MAGT1: variants seen among roughly 807,000 people sequenced by gnomAD.
The protein encoded by MAGT1 is magnesium transporter 1, also known as dolichyl-diphosphooligosaccharide--protein glycosyltransferase subunit MAGT1.
MAGT1 carries 4 observed loss-of-function variants against 28.4 expected under a neutral mutation model. The ratio of observed to expected loss-of-function variants is 0.14; its 90% CI spans 0.07 to 0.32. The LOEUF (loss-of-function observed/expected upper bound fraction) is 0.32. Among genes scored for constraint, MAGT1 ranks in the 10% least tolerant of loss-of-function variants. MAGT1 has a pLI of 1.00. For synonymous variants in MAGT1, 89 were observed against 89.7 expected (o/e 0.99, Z 0.04); for missense variants, 193 against 264.5 (o/e 0.73, Z 1.88).
intron 2 of MAGT1, among the ~76,000 whole-genome samples, chrX:77,871,247 C>T (rs1437000529): frequency 8.9e-6 from 1 of 112,512 alleles, no homozygotes; most frequent in Non-Finnish European, 1.9e-5. Flanking sequence ...TCTACAATAA[C>T]TTTCCATACC....
chrX:77,868,925 T>C (rs1557217101), intron 3 of MAGT1, among the ~76,000 whole-genome samples: 1 of 112,098 alleles, frequency 8.9e-6, no homozygotes, highest in African/African-American at 3.2e-5. Flanking sequence ...AAGATCTACT[T>C]TTCTACTAAG....
intron 3 of MAGT1, among the ~76,000 whole-genome samples, chrX:77,861,176 T>A (rs1216397044): frequency 2.8e-5 from 3 of 105,383 alleles, no homozygotes; most frequent in Non-Finnish European, 3.9e-5. Context: ...TGAAACTCTA[T>A]CTCAAAAAAA....
At chrX:77,843,752 G>A (rs2076942207) in intron 7 of MAGT1, among the ~76,000 whole-genome samples, 1 of 111,709 alleles carries the variant, frequency 9.0e-6, no homozygotes, top group Non-Finnish European at 1.9e-5. Flanking sequence ...TGTTACACAT[G>A]TATACATGTC....
At chrX:77,864,271 T>TGGGGGGGGGGGGGGGGGGGGG (rs1317041247) in intron 3 of MAGT1, among the ~76,000 whole-genome samples, 1 of 12,155 alleles carries the variant, frequency 8.2e-5, no homozygotes, top group Non-Finnish European at 1.4e-4. Context: ...GTGGGCGGGG[T>TGGGGGGGGGGGGGGGGGGGGG]GGGGGGGAGG....
intron 1 of MAGT1, among the ~76,000 whole-genome samples, chrX:77,892,569 G>C (rs2077086018): frequency 9.0e-6 from 1 of 110,819 alleles, no homozygotes; most frequent in Non-Finnish European, 1.9e-5. Flanking sequence ...GGCCAAGGTG[G>C]GTAGATCACT....
chrX:77,870,991 T>A, intron 2 of MAGT1, 66 bp from the exon 3 acceptor site: 2 of 781,553 alleles, frequency 2.6e-6, no homozygotes, highest in Non-Finnish European at 4.0e-6. Flanking sequence ...TCGTTTATCA[T>A]CAGTAAAACA....
intron 1 of MAGT1, among the ~76,000 whole-genome samples, chrX:77,889,064 T>C (rs1557219222): frequency 1.9e-5 from 2 of 106,499 alleles, no homozygotes; most frequent in Non-Finnish European, 3.8e-5. Flanking sequence ...AGCCTGTACC[T>C]CCCAGGCTCA....
chrX:77,876,059 G>A (rs1415691447), intron 1 of MAGT1, among the ~76,000 whole-genome samples: 1 of 100,777 alleles, frequency 9.9e-6, no homozygotes, highest in Non-Finnish European at 2.0e-5. Context: ...TTGAACTCCT[G>A]GGCTTAAGCA....
chrX:77,856,611 A>C, intron 5 of MAGT1, 122 bp downstream of exon 5: 1 of 676,757 alleles, frequency 1.5e-6, no homozygotes, highest in Admixed American at 3.1e-5. Flanking sequence ...ATTAAAATAT[A>C]TAAAACTATT....
In MAGT1 at chrX:77,841,184, A is replaced by C. The variant is rs1261050763; in HGVS notation, c.901+62T>G. On this transcript the variant is annotated intron_variant, in intron 8 of 9. Transcript: ENST00000618282. ...CCTATAAGTAAGAGGAAAAGTGATT[A>C]AGAGATCACTCTTTTTCCATAGTAC... is the stretch of plus-strand genomic sequence containing the variant. 1.1e-4 allele frequency: 92 copies of C among 859,309 alleles called. No individual in the cohort carries two copies. In the African/African-American group the frequency reaches 1.7e-3, roughly 16 times the overall value. The allele number at this position is 859,309 out of a possible 1,213,427, so 70.8% of individuals were successfully genotyped here.
At chrX:77,882,070 A>T (rs1431859963) in intron 1 of MAGT1, among the ~76,000 whole-genome samples, 1 of 112,476 alleles carries the variant, frequency 8.9e-6, no homozygotes, top group African/African-American at 3.2e-5. Context: ...CAATAGATGC[A>T]GAAAAGGCCT....
intron 7 of MAGT1, among the ~76,000 whole-genome samples, chrX:77,847,030 C>A (rs1557215019): frequency 8.9e-6 from 1 of 112,054 alleles, no homozygotes; most frequent in Admixed American, 9.5e-5. Context: ...TGCTCCCAGA[C>A]CTGGAGTCTA....
intron 1 of MAGT1, among the ~76,000 whole-genome samples, chrX:77,893,897 G>A (rs1259861595): frequency 5.5e-4 from 59 of 107,933 alleles, no homozygotes; most frequent in African/African-American, 2.0e-3. Context: ...AGCGAGACCC[G>A]GTCTCAAAAA....
intron 1 of MAGT1, among the ~76,000 whole-genome samples, chrX:77,884,810 C>T (rs1440325130): frequency 7.4e-5 from 8 of 108,196 alleles, no homozygotes; most frequent in Non-Finnish European, 1.3e-4. Context: ...AAAGGCCGGG[C>T]GCAGTGGCTC....
In MAGT1 at chrX:77,895,427, T is replaced by C. The variant is rs2077096112; in HGVS notation, c.-17A>G. The C allele has an allele frequency of 3.3e-6, 4 of 1,209,258 alleles. No homozygotes were observed. The highest frequency in any genetic ancestry group is 4.5e-6 in the Non-Finnish European group (4 of 893,965). On this transcript the variant is annotated 5_prime_UTR_variant, in exon 1 of 10. Coordinates refer to ENST00000618282, the MANE Select transcript of MAGT1 (RefSeq NM_001367916.1). ...CGCTGCCATGTTCGCTCCTCTCCCTTCTATAAGTGAAACTTTGCTCCGGCT... is the reference window on the plus strand; with the variant it reads ...CGCTGCCATGTTCGCTCCTCTCCCTCCTATAAGTGAAACTTTGCTCCGGCT...
At chrX:77,869,258 G>GACC (rs1483796851) in intron 3 of MAGT1, among the ~76,000 whole-genome samples, 1 of 111,057 alleles carries the variant, frequency 9.0e-6, no homozygotes, top group Non-Finnish European at 1.9e-5. Context: ...CGAGTGATCT[G>GACC]ACCACCTTGG....
In MAGT1 at chrX:77,841,256, T is replaced by C; in HGVS notation, c.891A>G (p.Gly297=). The part of the protein sequence containing the change: ...CEAATSDMDI[G]KRKIMCVAGI... ...AGTAAGGTGACTTACTCTTTCGCTT[T>C]CCAATATCCATGTCAGAGGTAGCAG... Residue 297 remains glycine, a synonymous_variant, in exon 8 of 10, where the codon GGA becomes GGG. Transcript: ENST00000618282. The C allele has an allele frequency of 8.3e-7, 1 of 1,202,901 alleles. No homozygotes were observed. The highest frequency in any genetic ancestry group is 1.1e-6 in the Non-Finnish European group (1 of 887,695).
At chrX:77,863,279 G>A (rs782138085) in intron 3 of MAGT1, among the ~76,000 whole-genome samples, 10 of 110,620 alleles carry the variant, frequency 9.0e-5, no homozygotes, top group East Asian at 2.8e-4. Flanking sequence ...TTGGGAGGCC[G>A]AGGTGGGCGG....
intron 7 of MAGT1, among the ~76,000 whole-genome samples, chrX:77,851,594 G>A (rs1309835336): frequency 9.0e-6 from 1 of 111,269 alleles, no homozygotes; most frequent in African/African-American, 3.3e-5. Flanking sequence ...GGCTGGTCTC[G>A]AACTCCTGAT....
Sources: allele counts gnomAD v4.1 joint callset (sites outside exome capture counted in the v4.1 genomes callset), GRCh38; gene constraint gnomAD v4.1.1; transcripts MANE v1.5; gene names NCBI Gene and HGNC (gene_info 2026-07-23, HGNC 2026-07-21).